The following DARS2 variants were observed in gnomAD, a reference collection of about 807,000 sequenced individuals.
DARS2 encodes aspartate--tRNA ligase, mitochondrial.
In DARS2, 63 loss-of-function variants were observed where a neutral mutation model predicts 83.0. The observed-to-expected ratio is 0.76, with a 90% confidence interval of 0.62 to 0.94. The LOEUF (loss-of-function observed/expected upper bound fraction) is 0.94, where lower values mean the gene tolerates loss of function less well. Ranked by LOEUF, DARS2 falls within the 40% of genes least tolerant of loss-of-function variation. The probability of loss-of-function intolerance (pLI) is 0.00; values close to 1 mark genes in which losing one functional copy is unlikely to be tolerated. For synonymous variants in DARS2, 250 were observed against 269.3 expected (o/e 0.93, Z 0.70); for missense variants, 675 against 774.4 (o/e 0.87, Z 1.52).
chr1:173,851,936 T>A (rs1468885278), intron 13 of DARS2: 1 of 985,110 alleles, frequency 1.0e-6, no homozygotes, highest in African/African-American at 1.7e-5. Flanking sequence ...CAAATTTTAT[T>A]ATGAATGCAT....
At chr1:173,848,378 G>C (rs1653522349) in intron 12 of DARS2, among the ~76,000 whole-genome samples, 1 of 152,164 alleles carries the variant, frequency 6.6e-6, no homozygotes, top group African/African-American at 2.4e-5. Context: ...CATCTTAGAA[G>C]AGTGCTGTCC....
chr1:173,836,051 C>T (rs1163658222), intron 7 of DARS2, among the ~76,000 whole-genome samples: 4 of 150,268 alleles, frequency 2.7e-5, no homozygotes, highest in Admixed American at 6.7e-5. Flanking sequence ...AGCAAGACTC[C>T]GTCTCAAAAA....
intron 11 of DARS2, among the ~76,000 whole-genome samples, chr1:173,844,591 A>G (rs1157670458): frequency 2.8e-5 from 4 of 140,910 alleles, no homozygotes; most frequent in Non-Finnish European, 6.1e-5. Flanking sequence ...AATCACTTGA[A>G]CCTGGGAGGT....
chr1:173,830,681 A>G lies in DARS2; in HGVS notation c.316A>G (p.Ile106Val). Reference protein sequence around the residue: ...QDESAASVKKILCEAPVESVV... With the variant: ...QDESAASVKKVLCEAPVESVV... The stretch of plus-strand genomic sequence containing the variant: ...GTAGTCGGCAGCCTCTGTGAAGAAG[A>G]TTTTATGTGAAGCCCCTGTGGAATC... The change falls in exon 4 of 17, where the codon ATT (isoleucine) becomes GTT (valine). Residue 106 changes from isoleucine to valine, a missense_variant. Ile to Val is a conservative substitution (Grantham distance 29, BLOSUM62 3). Coordinates refer to ENST00000649689, the MANE Select transcript of DARS2 (RefSeq NM_018122.5). The G allele has an allele frequency of 6.2e-7, 1 of 1,613,934 alleles. No homozygotes were observed. The highest frequency in any genetic ancestry group is 1.1e-5 in the South Asian group (1 of 91,080).
At position 173,834,495 on chromosome 1, in the gene DARS2, C is replaced by T. The variant is rs1292149927; in HGVS notation, c.639C>T (p.Pro213=). ...NLHGFVDIET[P]TLFKRTPGGA... is the part of the protein sequence containing the mutation. ...TAGGGTTTGTGGATATAGAAACCCC[C>T]ACATTGTTTAAGAGGACCCCAGGGG... Residue 213 remains proline, a synonymous_variant, in exon 7 of 17, where the codon CCC becomes CCT. Transcript: ENST00000649689. 1.2e-6 allele frequency: 2 copies of T among 1,606,972 alleles called. No individual in the cohort carries two copies. Among genetic ancestry groups the T allele is most frequent in the African/African-American group, 2.7e-5 (2 of 74,704 alleles).
In DARS2 at chr1:173,824,966, AGTAGAAGT is replaced by A. The variant is rs2102629301; in HGVS notation, c.-262_-255del. 2.6e-6 allele frequency: 1 copy of A among 386,790 alleles called. No individual in the cohort carries two copies. The highest frequency in any genetic ancestry group is 6.1e-5 in the East Asian group (1 of 16,362). 24.0% of individuals were successfully genotyped at this position (386,790 alleles called of 1,614,324 possible). A position where few individuals can be genotyped will look rare whatever the true frequency, so the allele number is the denominator to read the frequency against. On this transcript the variant is annotated 5_prime_UTR_variant, in exon 1 of 17. Coordinates refer to ENST00000649689, the MANE Select transcript of DARS2 (RefSeq NM_018122.5). ...GTCACTTTTGGCTGCCGACTTGTTGAGTAGAAGTGCAGACTGATGCTTTAAGACTCAGG... is the reference window on the plus strand; with the variant it reads ...GTCACTTTTGGCTGCCGACTTGTTGAGCAGACTGATGCTTTAAGACTCAGG...
At chr1:173,842,288 T>C (rs1050070887) in intron 11 of DARS2, among the ~76,000 whole-genome samples, 1 of 38,848 alleles carries the variant, frequency 2.6e-5, no homozygotes, top group Non-Finnish European at 4.4e-5. Flanking sequence ...TACTTTCTTT[T>C]TTTTTTTTTT....
chr1:173,825,749 G>A (rs1037865105), intron 1 of DARS2, among the ~76,000 whole-genome samples: 6 of 151,298 alleles, frequency 4.0e-5, no homozygotes, highest in Admixed American at 6.6e-5. Flanking sequence ...GATTACAGGC[G>A]TGAGCCACCG....
At chr1:173,825,834 A>T (rs1652511590) in intron 1 of DARS2, among the ~76,000 whole-genome samples, 1 of 151,330 alleles carries the variant, frequency 6.6e-6, no homozygotes, top group South Asian at 2.1e-4. Flanking sequence ...TATATTCATT[A>T]TACGGCAGTT....
Position 173,825,115 on chromosome 1 carries a change from AAG to A in DARS2, c.-110_-109del. 2 of 1,494,142 alleles carry A rather than the reference AAG, an allele frequency of 1.3e-6. No homozygotes were observed. The highest frequency in any genetic ancestry group is 1.8e-6 in the Non-Finnish European group (2 of 1,083,302). 92.6% of individuals were successfully genotyped at this position (1,494,142 alleles called of 1,614,324 possible). A position where few individuals can be genotyped will look rare whatever the true frequency, so the allele number is the denominator to read the frequency against. ...GCGGAGGAGGCCTTAAATATTCGAG[AAG>A]AGAGTGGGAACTCCTGGAATTTTAA... On this transcript the variant is annotated 5_prime_UTR_variant, in exon 1 of 17. It removes the in-frame stop codon of an upstream open reading frame in the 5' UTR. Coordinates refer to ENST00000649689, the MANE Select transcript of DARS2 (RefSeq NM_018122.5).
intron 7 of DARS2, 87 bp downstream of exon 7, chr1:173,834,606 C>T: frequency 1.0e-6 from 1 of 958,236 alleles, no homozygotes; most frequent in South Asian, 1.3e-5. Flanking sequence ...ACTTGGTCCA[C>T]TTTTATTTAC....
chr1:173,855,675 C>T (rs9425757), intron 15 of DARS2, among the ~76,000 whole-genome samples: 69,557 of 150,962 alleles, frequency 0.46, 18,797 homozygotes, highest in African/African-American at 0.75. Flanking sequence ...TTACTTTTTT[C>T]TTTTTCTCGC....
Position 173,857,963 on chromosome 1 carries a change from C to A in DARS2, c.*258C>A. ...TTTTACTTAGGTGTGAAAGATGGTT[C>A]TTTGTTGAAATAATATAGTGGTTTA... On this transcript the variant is annotated 3_prime_UTR_variant, in exon 17 of 17. Coordinates refer to ENST00000649689, the MANE Select transcript of DARS2 (RefSeq NM_018122.5). 2.1e-6 allele frequency: 1 copy of A among 479,248 alleles called. No homozygotes were observed. The highest frequency in any genetic ancestry group is 3.8e-6 in the Non-Finnish European group (1 of 262,518). 29.7% of individuals were successfully genotyped at this position (479,248 alleles called of 1,614,324 possible).
At chr1:173,857,497 A>T in intron 16 of DARS2, 21 bp from the exon 17 acceptor site, 1 of 1,608,700 alleles carries the variant, frequency 6.2e-7, no homozygotes, top group Non-Finnish European at 8.5e-7. Flanking sequence ...CTCATCTGTT[A>T]TCTTTGTATT....
rs116411627 is a variant in DARS2 at position 173,836,253 on chromosome 1, C to T, written c.664-687C>T. ...ATTTTTTTTAATAAATAAAAATGGA[C>T]ATTTCTGGCCGGGCGCAGTGGCTCA... On this transcript the variant is annotated intron_variant, in intron 7 of 16. Transcript: ENST00000649689. Among the ~76,000 whole-genome samples, 1,128 of 151,152 alleles carry T rather than the reference C, an allele frequency of 7.5e-3. 9 individuals are homozygous for T. Among genetic ancestry groups the T allele is most frequent in the Non-Finnish European group, 0.012 (794 of 67,718 alleles).
chr1:173,832,691 C>T (rs1018426297), intron 5 of DARS2, among the ~76,000 whole-genome samples: 2 of 151,102 alleles, frequency 1.3e-5, no homozygotes, highest in African/African-American at 4.9e-5. Flanking sequence ...ATCGCTTGAA[C>T]CCGGGAGGCA....
chr1:173,851,725 A>AT, intron 13 of DARS2: 1 of 467,270 alleles, frequency 2.1e-6, no homozygotes, highest in Non-Finnish European at 2.8e-6. Flanking sequence ...ATATAAATTT[A>AT]TTTTTTCACT....
intron 12 of DARS2, 129 bp from the exon 13 acceptor site, chr1:173,850,198 A>G: frequency 9.3e-7 from 1 of 1,077,102 alleles, no homozygotes; most frequent in Non-Finnish European, 1.3e-6. Flanking sequence ...GTTCATGGAG[A>G]TAATAGAGAC....
rs749187020 is a variant in DARS2 at position 173,838,164 on chromosome 1, C to G, written c.771-26C>G. 2.5e-6 allele frequency: 4 copies of G among 1,575,132 alleles called. No homozygotes were observed. In the African/African-American group the frequency reaches 4.0e-5, roughly 16 times the overall value. ...TGTATGTCTTCCTAGAATCATAACT[C>G]AATTAATGCTATTTCTCAATTGTAG... On this transcript the variant is annotated intron_variant, in intron 8 of 16. Coordinates refer to ENST00000649689, the MANE Select transcript of DARS2 (RefSeq NM_018122.5).
Sources: allele counts gnomAD v4.1 joint callset (sites outside exome capture counted in the v4.1 genomes callset), GRCh38; gene constraint gnomAD v4.1.1; transcripts MANE v1.5; gene names NCBI Gene and HGNC (gene_info 2026-07-23, HGNC 2026-07-21).